Variants in CASZ1 observed in about 807,000 individuals in gnomAD.
CASZ1 encodes zinc finger protein castor homolog 1.
CASZ1 carries 28 observed loss-of-function variants against 135.2 expected under a neutral mutation model. The ratio of observed to expected loss-of-function variants is 0.21; its 90% CI spans 0.15 to 0.28. The LOEUF (loss-of-function observed/expected upper bound fraction) is 0.28, where lower values mean the gene tolerates loss of function less well. Ranked by LOEUF, CASZ1 falls within the 10% of genes least tolerant of loss-of-function variation. The pLI is 1.00. For synonymous variants in CASZ1, 1,068 were observed against 1,073.4 expected, an observed-to-expected ratio of 0.99 and a Z score of 0.10; for missense variants, 2,161 against 2,453.3, an observed-to-expected ratio of 0.88 and a Z score of 2.52.
Position 10,699,342 on chromosome 1 carries a change from C to T in CASZ1, c.-23-5430G>A, listed in dbSNP as rs534688531. Among the ~76,000 whole-genome samples, 1 of 152,340 alleles carries T rather than the reference C, an allele frequency of 6.6e-6. No individual in the cohort carries two copies. Among genetic ancestry groups the T allele is most frequent in the East Asian group, 1.9e-4 (1 of 5,182 alleles). ...TTTAGGGAAGTGCTGGCCACAACCC[C>T]AAACAGTAGCCCCTCCTCTTCCCCC... is the stretch of plus-strand genomic sequence containing the variant. On this transcript the variant is annotated intron_variant, in intron 3 of 20. Transcript: ENST00000377022. This position sits in a 1 kb window ranked among gnomAD's most constrained non-coding sequence, Gnocchi z 4.6.
chr1:10,687,977 T>C (rs1638646398), intron 4 of CASZ1, among the ~76,000 whole-genome samples: 1 of 152,180 alleles, frequency 6.6e-6, no homozygotes, highest in Non-Finnish European at 1.5e-5. Flanking sequence ...CCTTCCTCCT[T>C]CTGCCCCCAC....
Position 10,774,180 on chromosome 1 carries a change from G to A in CASZ1, c.-233-13323C>T, listed in dbSNP as rs1008199599. Among the ~76,000 whole-genome samples the A allele has an allele frequency of 2.0e-5, 3 of 152,088 alleles. No individual in the cohort carries two copies. The highest frequency in any genetic ancestry group is 7.2e-5 in the African/African-American group (3 of 41,410). The stretch of plus-strand genomic sequence containing the variant: ...CTTGTGGATGTAATTAGAGTTTTGG[G>A]TGGAAATCCACCCGGAGTGCACCCT... On this transcript the variant is annotated intron_variant, in intron 1 of 20. Transcript: ENST00000377022. This position sits in a 1 kb window ranked among gnomAD's most constrained non-coding sequence, Gnocchi z 4.4.
In CASZ1 at chr1:10,660,420, T is replaced by G; in HGVS notation, c.622A>C (p.Lys208Gln). The change falls in exon 6 of 21, where the codon AAG becomes CAG. Residue 208 changes from lysine to glutamine, a missense_variant. Transcript: ENST00000377022. ...DELARKISFE[K>Q]LHAGSTPEAA... ...TCCGGGGTGGAGCCCGCGTGCAGCT[T>G]CTCAAAGCTGATCTTCCTGGCCAGC... The G allele has an allele frequency of 6.2e-7, 1 of 1,614,180 alleles. No individual in the cohort carries two copies. Among genetic ancestry groups the G allele is most frequent in the Non-Finnish European group, 8.5e-7 (1 of 1,180,016 alleles).
intron 11 of CASZ1, chr1:10,651,763 T>C (rs988365706): frequency 6.6e-6 from 1 of 152,204 alleles, no homozygotes; most frequent in African/African-American, 2.4e-5. Flanking sequence ...GACGGAAATA[T>C]GAATTTGCCC....
rs1401849221 is a variant in CASZ1, at chr1:10,706,612, A to G, written c.-76-1068T>C. On this transcript the variant is annotated intron_variant, in intron 2 of 20. Coordinates refer to ENST00000377022, the MANE Select transcript of CASZ1 (RefSeq NM_001079843.3). The surrounding 1 kb of genome is among the most constrained non-coding windows in gnomAD (Gnocchi z 4.3). ...TCCCACCGCCCGCTCTCCGGTTCCCAGGACATATTTAGACAGATAATGCTA... is the reference window on the plus strand; with the variant it reads ...TCCCACCGCCCGCTCTCCGGTTCCCGGGACATATTTAGACAGATAATGCTA... 6.6e-6 allele frequency among the ~76,000 whole-genome samples: 1 copy of G among 152,222 alleles called. No homozygotes were observed. Among genetic ancestry groups the G allele is most frequent in the African/African-American group, 2.4e-5 (1 of 41,458 alleles).
In CASZ1 at chr1:10,659,860, G is replaced by A; in HGVS notation, c.1182C>T (p.Ser394=). ...PGPAKVPPTP[S]LAPAPLASVP... Reference sequence around the variant, plus strand: ...CGCTGGCGAGGGGTGCGGGAGCCAGGCTGGGGGTGGGCGGAACCTTGGCGG... The same window carrying A: ...CGCTGGCGAGGGGTGCGGGAGCCAGACTGGGGGTGGGCGGAACCTTGGCGG... The change falls in exon 6 of 21, where the codon AGC becomes AGT. Residue 394 remains serine (S), a synonymous_variant. Transcript: ENST00000377022. 6.2e-7 allele frequency: 1 copy of A among 1,611,652 alleles called. No homozygotes were observed. Among genetic ancestry groups the A allele is most frequent in the Non-Finnish European group, 8.5e-7 (1 of 1,179,014 alleles).
intron 2 of CASZ1, among the ~76,000 whole-genome samples, chr1:10,745,579 G>A (rs1390183142): frequency 6.6e-6 from 1 of 152,214 alleles, no homozygotes; most frequent in Non-Finnish European, 1.5e-5. Flanking sequence ...TGCTGTCAGT[G>A]TTGTGAAATT....
rs766814939 is a variant in CASZ1 at position 10,653,952 on chromosome 1, G to A, written c.2105C>T (p.Ala702Val). 71 of 1,613,536 alleles carry A rather than the reference G, an allele frequency of 4.4e-5. No individual in the cohort carries two copies. The highest frequency in any genetic ancestry group is 5.5e-5 in the Non-Finnish European group (65 of 1,179,762). The change falls in exon 11 of 21, where the codon GCG (alanine) becomes GTG (valine). Residue 702 changes from alanine to valine, a missense_variant. This residue lies in a region of CASZ1 where 248 missense variants were observed against 410.8 expected (regional missense o/e 0.60). Transcript: ENST00000377022. ...HERRHIRSSGALGLPPSLLGA... is the reference protein window; with the variant it reads ...HERRHIRSSGVLGLPPSLLGA... ...CAGCAGCGAGGGCGGCAGCCCCAGC[G>A]CGCCCGAGGAGCGGATGTGCCGGCG...
intron 15 of CASZ1, chr1:10,648,610 G>A (rs943515235): frequency 1.0e-5 from 2 of 194,388 alleles, no homozygotes; most frequent in Admixed American, 1.0e-4. Flanking sequence ...TGGGCGGCTA[G>A]GCTCGAAGCC....
intron 2 of CASZ1, among the ~76,000 whole-genome samples, chr1:10,752,532 C>G (rs1342971995): frequency 6.6e-6 from 1 of 152,184 alleles, no homozygotes; most frequent in African/African-American, 2.4e-5. Flanking sequence ...TGCCTCCATC[C>G]TCCTCTCCCT....
intron 4 of CASZ1, 63 bp from the exon 5 acceptor site, chr1:10,665,634 C>T: frequency 6.9e-7 from 1 of 1,457,606 alleles, no homozygotes; most frequent in Non-Finnish European, 9.0e-7. Context: ...ACCCACCCTC[C>T]CGAACAGCCC....
chr1:10,778,023 TCACA>T (rs893712708), intron 1 of CASZ1, among the ~76,000 whole-genome samples: 5 of 150,860 alleles, frequency 3.3e-5, no homozygotes, highest in Non-Finnish European at 5.9e-5. Flanking sequence ...TCATACAATC[TCACA>T]CACAATCACA....
rs528469854 is a variant in CASZ1 at position 10,639,110 on chromosome 1, C to A, written c.5112G>T (p.Glu1704Asp). The A allele has an allele frequency of 1.7e-6, 2 of 1,149,690 alleles. No individual in the cohort carries two copies. The highest frequency in any genetic ancestry group is 3.6e-5 in the Admixed American group (1 of 27,558). 71.2% of individuals were successfully genotyped at this position (1,149,690 alleles called of 1,614,324 possible). The change falls in exon 21 of 21, where the codon GAG (glutamate) becomes GAT (aspartate). Residue 1704 changes from glutamate (E) to aspartate (D), a missense_variant. Transcript: ENST00000377022. This position sits in a 1 kb window ranked among gnomAD's most constrained non-coding sequence, Gnocchi z 4.0. ...DEDDDEDDDD[E>D]DDDEDDDDED... ...CGTCGTCGTCGTCCTCGTCGTCGTCCTCGTCGTCGTCGTCCTCGTCGTCGT... is the reference window on the plus strand; with the variant it reads ...CGTCGTCGTCGTCCTCGTCGTCGTCATCGTCGTCGTCGTCCTCGTCGTCGT...
At chr1:10,761,092 C>T (rs529026179) in intron 1 of CASZ1, among the ~76,000 whole-genome samples, 5 of 152,276 alleles carry the variant, frequency 3.3e-5, no homozygotes, top group Non-Finnish European at 5.9e-5. Flanking sequence ...CCAATGGCTA[C>T]GCAGTTGTTG....
At chr1:10,673,519 G>A (rs533998649) in intron 4 of CASZ1, among the ~76,000 whole-genome samples, 2 of 152,228 alleles carry the variant, frequency 1.3e-5, no homozygotes, top group Middle Eastern at 6.8e-3. Flanking sequence ...CTGCTGGGGA[G>A]GGGGGCTGAG....
In CASZ1 at chr1:10,756,206, C is replaced by A. The variant is rs961762194; in HGVS notation, c.-77+4495G>T. Reference sequence around the variant, plus strand: ...TGCCAGCCTGCACTTCTGCTCTCTCCCGTTGCTGCCTCTGGAGGTCAGGCC... The same window carrying A: ...TGCCAGCCTGCACTTCTGCTCTCTCACGTTGCTGCCTCTGGAGGTCAGGCC... On this transcript the variant is annotated intron_variant, in intron 2 of 20. Coordinates refer to ENST00000377022, the MANE Select transcript of CASZ1 (RefSeq NM_001079843.3). This position sits in a 1 kb window ranked among gnomAD's most constrained non-coding sequence, Gnocchi z 5.9. Among the ~76,000 whole-genome samples the A allele has an allele frequency of 2.0e-5, 3 of 152,144 alleles. No homozygotes were observed. The highest frequency in any genetic ancestry group is 6.5e-5 in the Admixed American group (1 of 15,282).
rs74357807 is a variant in CASZ1, at chr1:10,711,848, G to A, written c.-76-6304C>T. On this transcript the variant is annotated intron_variant, in intron 2 of 20. Coordinates refer to ENST00000377022, the MANE Select transcript of CASZ1 (RefSeq NM_001079843.3). The surrounding 1 kb of genome is among the most constrained non-coding windows in gnomAD (Gnocchi z 4.4). ...AGACACAATAGGCCACAAGTTGTAT[G>A]ATTCCATTAATATGGAATATCCGGA... 7.7e-3 allele frequency among the ~76,000 whole-genome samples: 1,178 copies of A among 152,292 alleles called. 53 individuals are homozygous for A. The East Asian group carries it at 0.12, about 16-fold the overall frequency.
Position 10,657,640 on chromosome 1 carries a change from T to G in CASZ1, c.1409+868A>C. 1.3e-5 allele frequency among the ~76,000 whole-genome samples: 2 copies of G among 148,288 alleles called. No individual in the cohort carries two copies. The highest frequency in any genetic ancestry group is 3.0e-5 in the Non-Finnish European group (2 of 66,818). On this transcript the variant is annotated intron_variant, in intron 7 of 20. Transcript: ENST00000377022. This position sits in a 1 kb window ranked among gnomAD's most constrained non-coding sequence, Gnocchi z 5.7. ...GAGTGGGACAGGGGGGCGGAGACAG[T>G]GGGATGGGGGTGGACAGAGACAGAG...
intron 4 of CASZ1, among the ~76,000 whole-genome samples, chr1:10,688,611 C>A (rs1247270195): frequency 1.3e-5 from 2 of 152,154 alleles, no homozygotes; most frequent in Middle Eastern, 3.2e-3. Context: ...ACGCTGCCAA[C>A]ACAGGGGCCC....
Sources: gnomAD v4.1 joint callset for allele counts (sites outside exome capture counted in the v4.1 genomes callset) on GRCh38, gnomAD v4.1.1 for gene constraint, gnomAD v4.1.1 regional missense constraint, Gnocchi (gnomAD v3.1) non-coding constraint, MANE v1.5 for transcripts, NCBI Gene and HGNC (gene_info 2026-07-23, HGNC 2026-07-21) for gene names.